RYR1: variants seen among roughly 807,000 people sequenced by gnomAD.
RYR1 encodes the protein central core disease of muscle.
RYR1 carries 342 observed loss-of-function variants against 583.5 expected under a neutral mutation model. The ratio of observed to expected loss-of-function variants is 0.59; its 90% CI spans 0.54 to 0.64. RYR1 has a LOEUF of 0.64. Among genes scored for constraint, RYR1 ranks in the 30% least tolerant of loss-of-function variants. The pLI, the probability that RYR1 is intolerant of heterozygous loss-of-function variation, is 0.00. For synonymous variants in RYR1, 2,791 were observed against 2,822.5 expected (o/e 0.99, Z 0.35); for missense variants, 6,032 against 6,917.2 (o/e 0.87, Z 4.54).
At position 38,570,598 on chromosome 19, in the gene RYR1, C is replaced by A. The variant is rs181794681; in HGVS notation, c.13660-9C>A. 6.2e-7 allele frequency: 1 copy of A among 1,611,122 alleles called. No individual in the cohort carries two copies. The highest frequency in any genetic ancestry group is 2.2e-5 in the East Asian group (1 of 44,864). ...TGAGCGCTTTCTCTCTTTTTCTCTT[C>A]TCTCTCAGAACTACCTGTCCCGGAA... is the stretch of plus-strand genomic sequence containing the variant. On this transcript the variant is annotated splice_polypyrimidine_tract_variant and intron_variant, in intron 93 of 105. Coordinates refer to ENST00000359596, the MANE Select transcript of RYR1 (RefSeq NM_000540.3).
In RYR1 at chr19:38,490,731, T is replaced by G; in HGVS notation, c.6126T>G (p.Cys2042Trp). The G allele has an allele frequency of 1.9e-6, 3 of 1,596,800 alleles. No individual in the cohort carries two copies. The highest frequency in any genetic ancestry group is 2.2e-5 in the East Asian group (1 of 44,798). Reference sequence around the variant, plus strand: ...TTCATCAAGACCTGCTGGCACACTGTGGTAAGGAGTGGGGATCAGAGAGTC... The same window carrying G: ...TTCATCAAGACCTGCTGGCACACTGGGGTAAGGAGTGGGGATCAGAGAGTC... ...LDFHQDLLAH[C>W]GIQLDGEEEE... Residue 2042 changes from cysteine to tryptophan, a missense_variant and splice_region_variant, in exon 37 of 106, where the codon TGT (cysteine) becomes TGG (tryptophan). This residue lies in a region of RYR1 where 2,627 missense variants were observed against 2,961.3 expected (regional missense o/e 0.89). Transcript: ENST00000359596.
intron 89 of RYR1, among the ~76,000 whole-genome samples, chr19:38,559,870 A>G (rs1973047064): frequency 6.6e-6 from 1 of 152,130 alleles, no homozygotes; most frequent in South Asian, 2.1e-4. Context: ...TAGAAATAAA[A>G]TAGAACACTG....
In RYR1 at chr19:38,485,644, G is replaced by A. The variant is rs367971361; in HGVS notation, c.4989G>A (p.Ser1663=). 1.2e-6 allele frequency: 2 copies of A among 1,610,288 alleles called. No homozygotes were observed. Among genetic ancestry groups the A allele is most frequent in the Admixed American group, 1.7e-5 (1 of 59,992 alleles). ...GCCTGGACCTGCAGCGCTTCCACTC[G>A]CACACCCTGCGCCTCTACCGCGCTG... ...SERLDLQRFH[S]HTLRLYRAVC... Residue 1663 remains serine (S), a synonymous_variant, in exon 34 of 106, where the codon TCG becomes TCA. Transcript: ENST00000359596.
intron 25 of RYR1, chr19:38,468,034 C>T (rs1233537929): frequency 3.5e-6 from 2 of 569,474 alleles, no homozygotes; most frequent in African/African-American, 3.9e-5. Flanking sequence ...TTCATCCATC[C>T]ATCCATCCAT....
intron 35 of RYR1, among the ~76,000 whole-genome samples, chr19:38,489,809 T>C (rs1969471335): frequency 6.6e-6 from 1 of 152,146 alleles, no homozygotes; most frequent in Non-Finnish European, 1.5e-5. Context: ...TTTGTATTTT[T>C]AGTAGAGATG....
At position 38,477,714 on chromosome 19, in the gene RYR1, A is replaced by G. The variant is rs1331110158; in HGVS notation, c.4298A>G (p.Tyr1433Cys). ...TTCCCCTCCTTGTGTCACCAGTACTATTACTCCGTGAGGGTCTTTGCTGGA... is the reference window on the plus strand; with the variant it reads ...TTCCCCTCCTTGTGTCACCAGTACTGTTACTCCGTGAGGGTCTTTGCTGGA... ...PEIILNTTTY[Y>C]YSVRVFAGQE... Residue 1433 changes from tyrosine to cysteine, a missense_variant, in exon 30 of 106, where the codon TAT becomes TGT. By Grantham distance (194) the Tyr-to-Cys change is radical. This residue lies in a region of RYR1 where 2,627 missense variants were observed against 2,961.3 expected (regional missense o/e 0.89). Coordinates refer to ENST00000359596, the MANE Select transcript of RYR1 (RefSeq NM_000540.3). 1.2e-6 allele frequency: 2 copies of G among 1,614,034 alleles called. No individual in the cohort carries two copies. Among genetic ancestry groups the G allele is most frequent in the Non-Finnish European group, 1.7e-6 (2 of 1,180,004 alleles).
chr19:38,497,052 G>A (rs1969868311), intron 42 of RYR1, 98 bp downstream of exon 42: 4 of 1,026,738 alleles, frequency 3.9e-6, no homozygotes, highest in South Asian at 2.7e-5. Context: ...ATTCTGGGGG[G>A]CAATTCTGGA....
chr19:38,502,813 G>A (rs1373723145), intron 48 of RYR1, 67 bp from the exon 49 acceptor site: 5 of 1,041,660 alleles, frequency 4.8e-6, no homozygotes, highest in Admixed American at 3.7e-5. Context: ...GCAGGGGGAG[G>A]AGCAGGGGCA....
intron 42 of RYR1, among the ~76,000 whole-genome samples, chr19:38,498,864 T>C (rs565869311): frequency 6.6e-6 from 1 of 152,162 alleles, no homozygotes; most frequent in Non-Finnish European, 1.5e-5. Context: ...CAACCTTCTA[T>C]CTTGTTCTGT....
rs77756301 is a variant in RYR1 at position 38,492,320 on chromosome 19, A to G, written c.6128-170A>G. Among the ~76,000 whole-genome samples the G allele has an allele frequency of 0.013, 2,025 of 150,220 alleles. 26 individuals carry two copies. Among genetic ancestry groups the G allele is most frequent in the South Asian group, 0.04 (190 of 4,740 alleles). On this transcript the variant is annotated intron_variant, in intron 37 of 105. Coordinates refer to ENST00000359596, the MANE Select transcript of RYR1 (RefSeq NM_000540.3). ...GCAGAGGTTGCAGTGAGTTGACATC[A>G]TGCTACTGCTCTCCACTGCAACAGA...
chr19:38,543,671 C>A lies in RYR1; in HGVS notation c.11907+11C>A, dbSNP rs1489101785. On this transcript the variant is annotated intron_variant, in intron 86 of 105. Transcript: ENST00000359596. This position sits in a 1 kb window ranked among gnomAD's most constrained non-coding sequence, Gnocchi z 4.4. Reference sequence around the variant, plus strand: ...ACTGAGTACATCCAGGTAGGGCGCTCCCCCTGGGGCGGGAGTGGGAAGGGA... The same window carrying A: ...ACTGAGTACATCCAGGTAGGGCGCTACCCCTGGGGCGGGAGTGGGAAGGGA... 3.7e-6 allele frequency: 6 copies of A among 1,613,310 alleles called. No individual in the cohort carries two copies. Among genetic ancestry groups the A allele is most frequent in the Non-Finnish European group, 5.1e-6 (6 of 1,179,992 alleles).
rs1329490305 is a variant in RYR1, at chr19:38,455,766, C to G, written c.1791+15C>G. The stretch of plus-strand genomic sequence containing the variant: ...GGAACCACAAGGTCGGCCCCTCACC[C>G]CTGACCTCTCATCCCCTGAACTCTG... On this transcript the variant is annotated intron_variant, in intron 16 of 105. Coordinates refer to ENST00000359596, the MANE Select transcript of RYR1 (RefSeq NM_000540.3). The G allele has an allele frequency of 6.8e-7, 1 of 1,479,548 alleles. No homozygotes were observed. Among genetic ancestry groups the G allele is most frequent in the Admixed American group, 1.7e-5 (1 of 59,828 alleles). The allele number at this position is 1,479,548 out of a possible 1,614,324, so 91.7% of individuals were successfully genotyped here.
chr19:38,448,883 C>T (rs974785527), intron 11 of RYR1, 70 bp downstream of exon 11: 54 of 1,439,604 alleles, frequency 3.8e-5, no homozygotes, highest in Non-Finnish European at 4.5e-5. Flanking sequence ...GTCAAGGCTG[C>T]AGTGAGCTGG....
rs73930577 is a variant in RYR1 at position 38,446,910 on chromosome 19, T to G, written c.800+142T>G. Reference sequence around the variant, plus strand: ...AAATCAGAGCAGCCTGAGAGAGAGATGAAAATCTCGGCCAGGCGTGGTGAC... The same window carrying G: ...AAATCAGAGCAGCCTGAGAGAGAGAGGAAAATCTCGGCCAGGCGTGGTGAC... On this transcript the variant is annotated intron_variant, in intron 9 of 105. Transcript: ENST00000359596. The G allele has an allele frequency of 0.2, 134,552 of 673,164 alleles. 14,855 individuals are homozygous for G. Among genetic ancestry groups the G allele is most frequent in the East Asian group, 0.34 (12,226 of 35,960 alleles). The allele number at this position is 673,164 out of a possible 1,614,324, so 41.7% of individuals were successfully genotyped here.
intron 84 of RYR1, among the ~76,000 whole-genome samples, chr19:38,538,243 TA>T (rs889437498): frequency 1.3e-5 from 2 of 151,708 alleles, no homozygotes; most frequent in African/African-American, 2.4e-5. Flanking sequence ...ACTAAAAATA[TA>T]AAAAAAATAG....
At chr19:38,497,111 C>T (rs1484447356) in intron 42 of RYR1, among the ~76,000 whole-genome samples, 157 bp downstream of exon 42, 3 of 152,254 alleles carry the variant, frequency 2.0e-5, no homozygotes, top group Non-Finnish European at 2.9e-5. Context: ...GAGAGAACGG[C>T]ACCCAGTTGT....
At chr19:38,522,867 A>T (rs917053825) in intron 67 of RYR1, among the ~76,000 whole-genome samples, 161 bp from the exon 68 acceptor site, 11 of 151,110 alleles carry the variant, frequency 7.3e-5, no homozygotes, top group Admixed American at 4.6e-4. Context: ...GAGAAAAAAA[A>T]TTTTTTTAAT....
At chr19:38,498,899 G>A (rs1969967573) in intron 42 of RYR1, among the ~76,000 whole-genome samples, 1 of 152,162 alleles carries the variant, frequency 6.6e-6, no homozygotes, top group African/African-American at 2.4e-5. Context: ...TAACCATCTG[G>A]GAATGCAGCC....
chr19:38,527,116 G>A lies in RYR1; in HGVS notation c.10686+64G>A. 3 of 1,569,232 alleles carry A rather than the reference G, an allele frequency of 1.9e-6. No individual in the cohort carries two copies. In the Middle Eastern group the frequency reaches 5.0e-4, roughly 263 times the overall value. ...GAAAGTAACCACAATATTAGTGAAGGTTTGAGCATTTACCAAAGACCAGGC... is the reference window on the plus strand; with the variant it reads ...GAAAGTAACCACAATATTAGTGAAGATTTGAGCATTTACCAAAGACCAGGC... On this transcript the variant is annotated intron_variant, in intron 72 of 105. Transcript: ENST00000359596.
Sources: gnomAD v4.1 joint callset for allele counts (sites outside exome capture counted in the v4.1 genomes callset) on GRCh38, gnomAD v4.1.1 for gene constraint, gnomAD v4.1.1 regional missense constraint, Gnocchi (gnomAD v3.1) non-coding constraint, MANE v1.5 for transcripts, NCBI Gene and HGNC (gene_info 2026-07-23, HGNC 2026-07-21) for gene names.